CNBD1: variants seen among roughly 807,000 people sequenced by gnomAD.
The protein encoded by CNBD1 is cyclic nucleotide-binding domain-containing protein 1.
A neutral mutation model predicts 54.4 loss-of-function variants in CNBD1; 71 were observed. That is an observed-to-expected ratio of 1.30 (90% confidence interval 1.08 to 1.59). The LOEUF (loss-of-function observed/expected upper bound fraction) is 1.59, where lower values mean the gene tolerates loss of function less well. Among genes scored for constraint, CNBD1 ranks in the 40% most tolerant of loss-of-function variants. The pLI is 0.00. For missense variants in CNBD1, 659 were observed against 518.0 expected (o/e 1.27, Z -2.64); for synonymous variants, 182 against 170.7 (o/e 1.07, Z -0.51).
chr8:87,117,827 A>C (rs1811805474), intron 4 of CNBD1, among the ~76,000 whole-genome samples: 1 of 152,190 alleles, frequency 6.6e-6, no homozygotes, highest in African/African-American at 2.4e-5. Flanking sequence ...ATTCATTTGA[A>C]GTGTTTAAGT....
chr8:87,401,579 T>C (rs79649678), intron 2 of CNBD1, among the ~76,000 whole-genome samples: 2,763 of 152,142 alleles, frequency 0.018, 84 homozygotes, highest in African/African-American at 0.06. Flanking sequence ...TGTTGTTGAC[T>C]TTTTTACCAA....
chr8:87,243,741 A>T (rs763606848), intron 6 of CNBD1, among the ~76,000 whole-genome samples: 5 of 152,206 alleles, frequency 3.3e-5, no homozygotes, highest in Middle Eastern at 3.2e-3. Flanking sequence ...TATTCGTGAC[A>T]CAAAACAGGA....
downstream of CNBD1, among the ~76,000 whole-genome samples, chr8:87,387,351 C>G (rs1316192853): frequency 6.6e-6 from 1 of 151,966 alleles, no homozygotes; most frequent in Non-Finnish European, 1.5e-5. Flanking sequence ...GTGCTGTATT[C>G]AGGAAACCCA....
intron 6 of CNBD1, among the ~76,000 whole-genome samples, chr8:87,259,798 G>T (rs1043639316): frequency 2.0e-5 from 3 of 152,146 alleles, no homozygotes; most frequent in Non-Finnish European, 4.4e-5. Context: ...AGTCCAGACT[G>T]TGAGAGTTTG....
At chr8:86,925,482 AGTGTGTGTGTGTGTGTGTGTGT>A (rs71275894) in intron 3 of CNBD1, among the ~76,000 whole-genome samples, 2 of 141,730 alleles carry the variant, frequency 1.4e-5, no homozygotes, top group African/African-American at 5.4e-5. Flanking sequence ...CTTACCAAAA[AGTGTGTGTGTGTGTGTGTGTGT>A]GTGTGTGTGT....
At chr8:86,933,869 C>T (rs1436941254) in intron 3 of CNBD1, among the ~76,000 whole-genome samples, 2 of 151,958 alleles carry the variant, frequency 1.3e-5, no homozygotes, top group Non-Finnish European at 2.9e-5. Flanking sequence ...GTGTAACAAT[C>T]CAATTGAGTA....
intron 8 of CNBD1, among the ~76,000 whole-genome samples, chr8:87,348,351 A>T (rs1810216034): frequency 6.6e-6 from 1 of 152,204 alleles, no homozygotes; most frequent in Non-Finnish European, 1.5e-5. Context: ...TGGTATTCGC[A>T]TTGGTATGGA....
chr8:86,936,686 T>C (rs1218601670), intron 3 of CNBD1, among the ~76,000 whole-genome samples: 1 of 145,402 alleles, frequency 6.9e-6, no homozygotes. Flanking sequence ...GAGCTTGCAG[T>C]GAGCTGAGAT....
chr8:87,006,087 T>G (rs1809092145), intron 4 of CNBD1, among the ~76,000 whole-genome samples: 2 of 152,164 alleles, frequency 1.3e-5, no homozygotes, highest in Non-Finnish European at 2.9e-5. Flanking sequence ...GGTCAACAGA[T>G]TCTACAGGCA....
At chr8:87,307,092 A>T (rs1809167763) in intron 8 of CNBD1, among the ~76,000 whole-genome samples, 2 of 152,168 alleles carry the variant, frequency 1.3e-5, no homozygotes, top group Admixed American at 1.3e-4. Context: ...TAAATAGAAG[A>T]TATTATTTTG....
chr8:87,192,440 TA>T (rs1813632868), intron 4 of CNBD1, among the ~76,000 whole-genome samples: 1 of 152,166 alleles, frequency 6.6e-6, no homozygotes, highest in Non-Finnish European at 1.5e-5. Flanking sequence ...TGATTTAATG[TA>T]GGGGCTAAAG....
At chr8:86,983,400 G>A (rs975562648) in intron 4 of CNBD1, among the ~76,000 whole-genome samples, 36 of 152,190 alleles carry the variant, frequency 2.4e-4, no homozygotes, top group Admixed American at 2.0e-3. Flanking sequence ...ATTGGTACCA[G>A]TAGAGTGGGG....
chr8:86,943,555 A>G (rs1807390358), intron 4 of CNBD1, among the ~76,000 whole-genome samples: 1 of 152,074 alleles, frequency 6.6e-6, no homozygotes, highest in Admixed American at 6.5e-5. Context: ...AAACATTAAA[A>G]TCATTGGGAG....
intron 5 of CNBD1, among the ~76,000 whole-genome samples, chr8:87,221,810 G>A (rs2130809552): frequency 6.6e-6 from 1 of 152,202 alleles, no homozygotes; most frequent in Middle Eastern, 3.4e-3. Context: ...CCAGTTAGCT[G>A]TGTAATATTT....
Position 87,353,651 on chromosome 8 carries a change from C to A in CNBD1, c.1168C>A (p.Leu390Ile), listed in dbSNP as rs1198835620. The A allele has an allele frequency of 1.3e-6, 2 of 1,584,326 alleles. No homozygotes were observed. The highest frequency in any genetic ancestry group is 1.7e-6 in the Non-Finnish European group (2 of 1,166,850). The change falls in exon 10 of 11, where the codon CTT becomes ATT. Residue 390 changes from leucine (L) to isoleucine (I), a missense_variant. Transcript: ENST00000518476. ...RSNKVKRSQK[L>I]VYMGKLKEKE... ...TTTTTAACAGAAAAGATCTCAAAAA[C>A]TTGTTTATATGGGGAAACTTAAGGA...
chr8:87,310,076 C>T (rs1215363629), intron 8 of CNBD1, among the ~76,000 whole-genome samples: 1 of 152,082 alleles, frequency 6.6e-6, no homozygotes, highest in Non-Finnish European at 1.5e-5. Context: ...CAATCCCAGA[C>T]AGATATGGTG....
In CNBD1 at chr8:87,010,182, T is replaced by C. The variant is rs113541806; in HGVS notation, c.431+70428T>C. ...TAGTTTTGGGGAAGAAAACCAGACA[T>C]AGGCTTCTCAAATATTCTTCCTACC... On this transcript the variant is annotated intron_variant, in intron 4 of 10. Transcript: ENST00000518476. 3.0e-3 allele frequency among the ~76,000 whole-genome samples: 450 copies of C among 152,302 alleles called. 4 individuals are homozygous for C. Among genetic ancestry groups the C allele is most frequent in the African/African-American group, 0.01 (436 of 41,584 alleles).
chr8:87,054,171 G>A (rs1034297598), intron 4 of CNBD1, among the ~76,000 whole-genome samples: 5 of 152,194 alleles, frequency 3.3e-5, no homozygotes, highest in African/African-American at 1.2e-4. Context: ...AGTCTCCCCA[G>A]GGAAAAATCC....
intron 1 of CNBD1, among the ~76,000 whole-genome samples, chr8:86,883,349 C>T (rs1808632197): frequency 6.6e-6 from 1 of 152,020 alleles, no homozygotes; most frequent in Non-Finnish European, 1.5e-5. Flanking sequence ...GCAACATTCA[C>T]GTGAATATTA....
Sources: allele counts gnomAD v4.1 joint callset (sites outside exome capture counted in the v4.1 genomes callset), GRCh38; gene constraint gnomAD v4.1.1; transcripts MANE v1.5; gene names NCBI Gene and HGNC (gene_info 2026-07-23, HGNC 2026-07-21).